Variants in RAN observed in about 807,000 individuals in gnomAD.
RAN encodes the protein RAN, member RAS oncogene family.
RAN carries 2 observed loss-of-function variants against 26.8 expected under a neutral mutation model. That is an observed-to-expected ratio of 0.07 (90% CI 0.03 to 0.23). The LOEUF is 0.23. RAN is among the 10% of genes least tolerant of loss of function. The pLI, the probability that RAN is intolerant of heterozygous loss-of-function variation, is 1.00. For synonymous variants in RAN, 132 were observed against 95.9 expected, an observed-to-expected ratio of 1.38 and a Z score of -2.20; for missense variants, 56 against 264.8, an observed-to-expected ratio of 0.21 and a Z score of 5.47.
intron 2 of RAN, 30 bp downstream of exon 2, chr12:130,872,659 C>T: frequency 2.6e-6 from 4 of 1,521,288 alleles, no homozygotes; most frequent in Non-Finnish European, 3.5e-6. Context: ...GGGAGGCGGC[C>T]GAGCCCGACC....
intron 2 of RAN, 99 bp downstream of exon 2, chr12:130,872,728 T>A: frequency 6.4e-7 from 1 of 1,559,510 alleles, no homozygotes. Context: ...GGGCCCCGCA[T>A]CCACATTCTT....
At chr12:130,874,839 C>T (rs1953208528) in intron 5 of RAN, 106 bp downstream of exon 5, 4 of 1,022,506 alleles carry the variant, frequency 3.9e-6, no homozygotes, top group Non-Finnish European at 5.6e-6. Context: ...TTTTTTTTCC[C>T]CAAGACGGAG....
rs182668517 is a variant in RAN at position 130,877,192 on chromosome 12, T to C, written c.*1266T>C. 18 of 152,350 alleles carry C rather than the reference T, an allele frequency of 1.2e-4. No homozygotes were observed. The East Asian group carries it at 2.7e-3, about 23-fold the overall frequency. 9.4% of individuals were successfully genotyped at this position (152,350 alleles called of 1,614,324 possible). On this transcript the variant is annotated 3_prime_UTR_variant, in exon 7 of 7. Transcript: ENST00000543796. ...AGTTAGGAATCTTGAGCTATTTTTT[T>C]CTCATACGATTACTATAGTCCAGTT... is the stretch of plus-strand genomic sequence containing the variant.
intron 4 of RAN, chr12:130,874,344 T>G (rs186025963): frequency 3.1e-4 from 154 of 501,054 alleles, no homozygotes; most frequent in African/African-American, 2.6e-3. Context: ...CAGGGAGATT[T>G]GATAGGGTCA....
intron 5 of RAN, 139 bp downstream of exon 5, chr12:130,874,872 G>T: frequency 1.3e-6 from 1 of 766,222 alleles, no homozygotes; most frequent in Non-Finnish European, 2.0e-6. Context: ...CCCCATGCTG[G>T]AGTGCAGTGT....
In RAN at chr12:130,873,140, T is replaced by C. The variant is rs764033289; in HGVS notation, c.247+12T>C. ...CTATTATATCCAAGGTAGGCATTTG[T>C]AACTTGCTGAACGGTTTTTGAGAGG... is the stretch of plus-strand genomic sequence containing the variant. On this transcript the variant is annotated intron_variant, in intron 4 of 6. Transcript: ENST00000543796. The C allele has an allele frequency of 5.0e-6, 8 of 1,614,040 alleles. No homozygotes were observed. The South Asian group carries it at 8.8e-5, about 18-fold the overall frequency.
At chr12:130,874,944 C>T (rs775842413) in intron 5 of RAN, among the ~76,000 whole-genome samples, 1 of 152,032 alleles carries the variant, frequency 6.6e-6, no homozygotes, top group Non-Finnish European at 1.5e-5. Flanking sequence ...CTCAGCTCCC[C>T]TAGTAGCTGG....
intron 5 of RAN, 66 bp downstream of exon 5, chr12:130,874,799 T>A: frequency 7.6e-7 from 1 of 1,319,242 alleles, no homozygotes; most frequent in Non-Finnish European, 1.1e-6. Flanking sequence ...ACCATGAAAT[T>A]AACCAGTGTC....
rs1802283 is a variant in RAN at position 130,874,580 on chromosome 12, G to A, written c.282G>A (p.Ser94=). 6.3e-6 allele frequency: 10 copies of A among 1,599,168 alleles called. No homozygotes were observed. The highest frequency in any genetic ancestry group is 2.2e-5 in the East Asian group (1 of 44,738). Residue 94 remains serine (S), a synonymous_variant, in exon 5 of 7, where the codon TCG becomes TCA. Transcript: ENST00000543796. Reference sequence around the variant, plus strand: ...CCATCATAATGTTTGATGTAACATCGAGAGTTACTTACAAGAATGTGCCTA... The same window carrying A: ...CCATCATAATGTTTGATGTAACATCAAGAGTTACTTACAAGAATGTGCCTA... The part of the protein sequence containing the change: ...QCAIIMFDVT[S]RVTYKNVPNW...
rs774546813 is a variant in RAN at position 130,875,882 on chromosome 12, G to A, written c.607G>A (p.Val203Ile). The A allele has an allele frequency of 6.2e-7, 1 of 1,614,154 alleles. No individual in the cohort carries two copies. Among genetic ancestry groups the A allele is most frequent in the Non-Finnish European group, 8.5e-7 (1 of 1,180,018 alleles). The change falls in exon 7 of 7, where the codon GTT becomes ATT. Residue 203 changes from valine (V) to isoleucine (I), a missense_variant and splice_region_variant. Physicochemically the swap from Val to Ile is conservative, Grantham distance 29. This residue lies in a region of RAN where 39 missense variants were observed against 248.7 expected (regional missense o/e 0.16). Coordinates refer to ENST00000543796, the MANE Select transcript of RAN (RefSeq NM_006325.5). The stretch of plus-strand genomic sequence containing the variant: ...AACGTTTTTCCATCTCTTCGTCTAG[G>A]TTGCTCAGACAACTGCTCTCCCGGA... ...LAAQYEHDLE[V>I]AQTTALPDED...
At chr12:130,874,047 C>T (rs1160118722) in intron 4 of RAN, 2 of 376,000 alleles carry the variant, frequency 5.3e-6, no homozygotes, top group Non-Finnish European at 1.1e-5. Context: ...TGGGGATTCA[C>T]CATGTTGCCC....
At position 130,874,750 on chromosome 12, in the gene RAN, C is replaced by T. The variant is rs1193186379; in HGVS notation, c.435+17C>T. 3 of 1,593,862 alleles carry T rather than the reference C, an allele frequency of 1.9e-6. No individual in the cohort carries two copies. The highest frequency in any genetic ancestry group is 2.6e-6 in the Non-Finnish European group (3 of 1,164,240). On this transcript the variant is annotated intron_variant, in intron 5 of 6. Transcript: ENST00000543796. ...AATCTTCAGGTGTGTAAAATTAAAA[C>T]TTCCTGAGTTATTTCTCTTAGCGGA...
rs1953238732 is a variant in RAN, at chr12:130,876,253, C to G, written c.*327C>G. On this transcript the variant is annotated 3_prime_UTR_variant, in exon 7 of 7. Transcript: ENST00000543796. ...ATTCCCATTCCTTTTCGTTTAGAAT[C>G]AGAATAAAGTTGTATTTCAAATATC... 2 of 303,636 alleles carry G rather than the reference C, an allele frequency of 6.6e-6. No individual in the cohort carries two copies. Among genetic ancestry groups the G allele is most frequent in the Non-Finnish European group, 1.2e-5 (2 of 162,888 alleles). 18.8% of individuals were successfully genotyped at this position (303,636 alleles called of 1,614,324 possible).
chr12:130,872,723 C>T (rs1463957054), intron 2 of RAN, 94 bp downstream of exon 2: 5 of 1,558,084 alleles, frequency 3.2e-6, no homozygotes, highest in Admixed American at 3.6e-5. Flanking sequence ...TAATGGGGCC[C>T]CGCATCCACA....
In RAN at chr12:130,876,043, C is replaced by T. The variant is rs1953233545; in HGVS notation, c.*117C>T. The stretch of plus-strand genomic sequence containing the variant: ...ATCTAGCTAAGCGGAACATGTGCTT[C>T]ATCTGTGGGATGCTGAAGGAGATGA... On this transcript the variant is annotated 3_prime_UTR_variant, in exon 7 of 7. Coordinates refer to ENST00000543796, the MANE Select transcript of RAN (RefSeq NM_006325.5). 9.5e-7 allele frequency: 1 copy of T among 1,050,588 alleles called. No homozygotes were observed. The highest frequency in any genetic ancestry group is 1.6e-5 in the African/African-American group (1 of 63,514). The allele number at this position is 1,050,588 out of a possible 1,614,324, so 65.1% of individuals were successfully genotyped here.
chr12:130,873,326 A>G, intron 4 of RAN, 198 bp downstream of exon 4: 1 of 595,798 alleles, frequency 1.7e-6, no homozygotes, highest in Non-Finnish European at 2.9e-6. Context: ...ATGCTGTGTC[A>G]TGCTAGGCAT....
intron 4 of RAN, chr12:130,873,572 T>G (rs1039449602): frequency 5.8e-6 from 1 of 171,110 alleles, no homozygotes; most frequent in Non-Finnish European, 1.3e-5. Context: ...GTTAAATTGT[T>G]TGTACTAAGT....
chr12:130,872,471 G>C (rs1449866066), intron 1 of RAN, 113 bp from the exon 2 acceptor site: 2 of 661,432 alleles, frequency 3.0e-6, no homozygotes, highest in Non-Finnish European at 4.0e-6. Context: ...CCATGGCGCC[G>C]CGGGCGGGAG....
chr12:130,875,809 T>A (rs145864872), intron 6 of RAN, 27 bp downstream of exon 6: 32 of 1,614,018 alleles, frequency 2.0e-5, no homozygotes, highest in Non-Finnish European at 2.5e-5. Flanking sequence ...GCTGTTCAGA[T>A]TGTTCGGTTT....
Sources: allele counts gnomAD v4.1 joint callset (sites outside exome capture counted in the v4.1 genomes callset), GRCh38; gene constraint gnomAD v4.1.1; regional missense constraint gnomAD v4.1.1; transcripts MANE v1.5; gene names NCBI Gene and HGNC (gene_info 2026-07-23, HGNC 2026-07-21).